Variants in ANO5 observed in about 807,000 individuals in gnomAD.
ANO5 encodes anoctamin-5.
In ANO5, 109 loss-of-function variants were observed where a neutral mutation model predicts 121.0. That is an observed-to-expected ratio of 0.90 (90% CI 0.77 to 1.06). ANO5 has a LOEUF of 1.06. Ranked by LOEUF, ANO5 falls within the 50% of genes least tolerant of loss-of-function variation. The pLI, the probability that ANO5 is intolerant of heterozygous loss-of-function variation, is 0.00. For synonymous variants in ANO5, 406 were observed against 359.9 expected (o/e 1.13, Z -1.45); for missense variants, 1,064 against 1,078.5 (o/e 0.99, Z 0.19).
Position 22,255,435 on chromosome 11 carries a change from G to A in ANO5, c.1245G>A (p.Val415=). The change falls in exon 13 of 22, where the codon GTG becomes GTA. Residue 415 remains valine, a synonymous_variant. Transcript: ENST00000324559. ...GACTGGAATATGAATGGGACCTGGT[G>A]GACTTTGAAGAGGAACAGCAGCAGC... ...QARLEYEWDL[V]DFEEEQQQLQ... is the part of the protein sequence containing the mutation. 6.2e-7 allele frequency: 1 copy of A among 1,613,284 alleles called. No homozygotes were observed. Among genetic ancestry groups the A allele is most frequent in the East Asian group, 2.2e-5 (1 of 44,844 alleles).
rs114765151 is a variant in ANO5, at chr11:22,215,794, C to T, written c.139-2452C>T. Among the ~76,000 whole-genome samples, 894 of 151,948 alleles carry T rather than the reference C, an allele frequency of 5.9e-3. 6 individuals are homozygous for T. The highest frequency in any genetic ancestry group is 0.02 in the African/African-American group (833 of 41,520). On this transcript the variant is annotated intron_variant, in intron 3 of 21. Coordinates refer to ENST00000324559, the MANE Select transcript of ANO5 (RefSeq NM_213599.3). ...AATTTATGTAGAAAATTTCCATTAC[C>T]TCAAAAATTTCCCTTTAGCGGTTTT... is the stretch of plus-strand genomic sequence containing the variant.
At chr11:22,273,047 G>A in intron 19 of ANO5, 58 bp downstream of exon 19, 2 of 1,439,684 alleles carry the variant, frequency 1.4e-6, no homozygotes, top group Non-Finnish European at 2.0e-6. Flanking sequence ...GGTGTGGGGA[G>A]ATGTGAATGA....
rs778382135 is a variant in ANO5 at position 22,250,760 on chromosome 11, GAGATTGGTGGTC to G, written c.1038_1049del (p.Ile346_Gln349del). 6.2e-7 allele frequency: 1 copy of G among 1,614,014 alleles called. No individual in the cohort carries two copies. The highest frequency in any genetic ancestry group is 1.1e-5 in the South Asian group (1 of 91,082). ...TTGCAGCACTGAAATCTGTGACCCT[GAGATTGGTGGTC>G]AGATGATCATGTGCCCACTCTGTGA... On this transcript the variant is annotated inframe_deletion, in exon 11 of 22. Transcript: ENST00000324559.
chr11:22,252,810 T>A (rs200531840), intron 12 of ANO5, among the ~76,000 whole-genome samples: 18,936 of 151,966 alleles, frequency 0.12, 3,346 homozygotes, highest in African/African-American at 0.39. Flanking sequence ...TTTCATTTTA[T>A]TTATACTTTA....
chr11:22,250,490 G>T, intron 10 of ANO5, 119 bp downstream of exon 10: 1 of 1,409,102 alleles, frequency 7.1e-7, no homozygotes, highest in Non-Finnish European at 9.7e-7. Flanking sequence ...GCAGATAATC[G>T]ATATTTTCCA....
In ANO5 at chr11:22,269,272, GGAAGGGAAGA is replaced by G. The variant is rs1392331396; in HGVS notation, c.1899-1029_1899-1020del. 9.5e-5 allele frequency among the ~76,000 whole-genome samples: 6 copies of G among 62,910 alleles called. No homozygotes were observed. The East Asian group carries it at 1.2e-3, about 12-fold the overall frequency. 41.3% of individuals were successfully genotyped at this position (62,910 alleles called of 152,430 possible). On this transcript the variant is annotated intron_variant, in intron 17 of 21. Transcript: ENST00000324559. ...AAAAGAAAGAGAAGGAAAAGGGAAG[GGAAGGGAAGA>G]GAAGGGAAGAAGGAAAGAAGAAAGG...
chr11:22,269,212 A>AAG (rs1854489831), intron 17 of ANO5, among the ~76,000 whole-genome samples: 2 of 135,948 alleles, frequency 1.5e-5, no homozygotes, highest in African/African-American at 6.1e-5. Flanking sequence ...AGAGAAGGGA[A>AAG]GAAGGAAAGA....
rs758311698 is a variant in ANO5 at position 22,279,687 on chromosome 11, G to A, written c.2664G>A (p.Leu888=). The A allele has an allele frequency of 1.2e-6, 2 of 1,612,634 alleles. No individual in the cohort carries two copies. The highest frequency in any genetic ancestry group is 3.3e-5 in the Admixed American group (2 of 59,844). Residue 888 remains leucine, a synonymous_variant, in exon 22 of 22, where the codon TTG becomes TTA. Transcript: ENST00000324559. ...AGCTCAACAAATTAAAAGAGAACTT[G>A]GGAATTAATTCTAATGAATTTGCCA... ...DFELNKLKEN[L]GINSNEFAKH...
chr11:22,236,936 G>C (rs533027715), intron 8 of ANO5, among the ~76,000 whole-genome samples: 1 of 152,108 alleles, frequency 6.6e-6, no homozygotes, highest in Admixed American at 6.6e-5. Context: ...GACATTTTAC[G>C]TGATTCACCT....
chr11:22,223,943 T>C (rs889956837), intron 5 of ANO5, among the ~76,000 whole-genome samples: 3 of 152,014 alleles, frequency 2.0e-5, no homozygotes, highest in Admixed American at 1.3e-4. Context: ...CCAACCACTC[T>C]GCCCATCTCC....
At position 22,259,628 on chromosome 11, in the gene ANO5, G is replaced by T; in HGVS notation, c.1517G>T (p.Ser506Ile). 1.2e-6 allele frequency: 2 copies of T among 1,614,070 alleles called. No individual in the cohort carries two copies. Among genetic ancestry groups the T allele is most frequent in the Middle Eastern group, 1.6e-4 (1 of 6,062 alleles). ...GATGCATCCTTAAAGCAGGTCAAAA[G>T]CTTCCTTACTCCTCAGATAACCACA... Reference protein sequence around the residue: ...ESDASLKQVKSFLTPQITTSL... With the variant: ...ESDASLKQVKIFLTPQITTSL... The change falls in exon 15 of 22, where the codon AGC (serine) becomes ATC (isoleucine). Residue 506 changes from serine to isoleucine, a missense_variant. By Grantham distance (142) the Ser-to-Ile change is moderately radical. Coordinates refer to ENST00000324559, the MANE Select transcript of ANO5 (RefSeq NM_213599.3).
In ANO5 at chr11:22,211,217, A is replaced by G; in HGVS notation, c.88-47A>G. 6 of 1,594,190 alleles carry G rather than the reference A, an allele frequency of 3.8e-6. No individual in the cohort carries two copies. In the South Asian group the frequency reaches 6.6e-5, roughly 18 times the overall value. On this transcript the variant is annotated intron_variant, in intron 2 of 21. Transcript: ENST00000324559. ...GAAACTTAAAAGCACCCTTTGCTCC[A>G]CCTGCACTATTAATAATAGCATTAT...
At chr11:22,234,658 G>C (rs1196869566) in intron 7 of ANO5, among the ~76,000 whole-genome samples, 1 of 152,134 alleles carries the variant, frequency 6.6e-6, no homozygotes, top group Non-Finnish European at 1.5e-5. Flanking sequence ...AGAAAAAGGA[G>C]GTGGGGCAAG....
rs2133778948 is a variant in ANO5, at chr11:22,270,434, TAGAAAC to T, written c.2024_2029del (p.Glu675_Thr676del). The stretch of plus-strand genomic sequence containing the variant: ...CCCCTTGGGCTTTTCTATGAGTACT[TAGAAAC>T]AGGTAATTTTTAACCACTGTTTTGA... On this transcript the variant is annotated inframe_deletion and splice_region_variant, in exon 18 of 22. Coordinates refer to ENST00000324559, the MANE Select transcript of ANO5 (RefSeq NM_213599.3). 6.2e-7 allele frequency: 1 copy of T among 1,614,090 alleles called. No homozygotes were observed. Among genetic ancestry groups the T allele is most frequent in the South Asian group, 1.1e-5 (1 of 91,084 alleles).
rs1293181621 is a variant in ANO5 at position 22,274,583 on chromosome 11, A to C, written c.2250A>C (p.Ala750=). The C allele has an allele frequency of 6.3e-7, 1 of 1,598,944 alleles. No individual in the cohort carries two copies. The highest frequency in any genetic ancestry group is 1.1e-5 in the South Asian group (1 of 89,814). The change falls in exon 20 of 22, where the codon GCA becomes GCC. Residue 750 remains alanine, a synonymous_variant. Transcript: ENST00000324559. The part of the protein sequence containing the change: ...LSVATNAFIV[A]FTSDIIPRLV... ...TTATTCTTCAGGCCTTTATTGTTGC[A>C]TTTACGTCAGACATCATTCCCCGTC... is the stretch of plus-strand genomic sequence containing the variant.
At chr11:22,207,593 G>C (rs1234027173) in intron 2 of ANO5, among the ~76,000 whole-genome samples, 1 of 152,020 alleles carries the variant, frequency 6.6e-6, no homozygotes, top group Non-Finnish European at 1.5e-5. Flanking sequence ...GGATCAAACT[G>C]TTTGGAAATT....
chr11:22,235,836 TTAG>T (rs1328737062), intron 7 of ANO5, among the ~76,000 whole-genome samples: 2 of 152,146 alleles, frequency 1.3e-5, no homozygotes, highest in African/African-American at 4.8e-5. Context: ...AGTAGTGACA[TTAG>T]TATCCTACTT....
At position 22,279,995 on chromosome 11, in the gene ANO5, G is replaced by C. The variant is rs866102660; in HGVS notation, c.*230G>C. The C allele has an allele frequency of 7.8e-5, 41 of 527,440 alleles. 1 individual carries two copies. In the East Asian group the frequency reaches 1.3e-3, roughly 17 times the overall value. 32.7% of individuals were successfully genotyped at this position (527,440 alleles called of 1,614,324 possible). A position where few individuals can be genotyped will look rare whatever the true frequency, so the allele number is the denominator to read the frequency against. On this transcript the variant is annotated 3_prime_UTR_variant, in exon 22 of 22. Coordinates refer to ENST00000324559, the MANE Select transcript of ANO5 (RefSeq NM_213599.3). The stretch of plus-strand genomic sequence containing the variant: ...GGGCCCTCTCCAGATGTTGTTTTCT[G>C]AGGTGCTGTAAATGACTGTTGAAAG...
chr11:22,229,301 G>GT (rs1852955825), intron 7 of ANO5, among the ~76,000 whole-genome samples: 1 of 151,914 alleles, frequency 6.6e-6, no homozygotes, highest in Admixed American at 6.6e-5. Flanking sequence ...CTGATTCCAT[G>GT]TTTTTTCTAG....
Sources: gnomAD v4.1 joint callset for allele counts (sites outside exome capture counted in the v4.1 genomes callset) on GRCh38, gnomAD v4.1.1 for gene constraint, MANE v1.5 for transcripts, NCBI Gene and HGNC (gene_info 2026-07-23, HGNC 2026-07-21) for gene names.